Variants in TMEM65 observed in about 807,000 individuals in gnomAD.
TMEM65 encodes the protein transmembrane protein 65.
Under a neutral mutation model 25.4 loss-of-function variants are expected in TMEM65, and 22 were observed. That is an observed-to-expected ratio of 0.86 (90% confidence interval 0.62 to 1.23). The LOEUF (loss-of-function observed/expected upper bound fraction) is 1.23. Among genes scored for constraint, TMEM65 ranks in the 50% most tolerant of loss-of-function variants. The pLI, the probability that TMEM65 is intolerant of heterozygous loss-of-function variation, is 0.00. For synonymous variants in TMEM65, 132 were observed against 126.2 expected (o/e 1.05, Z -0.31); for missense variants, 262 against 308.2 (o/e 0.85, Z 1.12).
chr8:124,330,657 T>G, intron 2 of TMEM65, 91 bp downstream of exon 2: 1 of 1,251,622 alleles, frequency 8.0e-7, no homozygotes, highest in Non-Finnish European at 1.1e-6. Flanking sequence ...AGATTTAATT[T>G]ACTGACTCTT....
chr8:124,361,308 G>A (rs887639377), intron 1 of TMEM65, among the ~76,000 whole-genome samples: 10 of 151,840 alleles, frequency 6.6e-5, no homozygotes, highest in African/African-American at 1.7e-4. Context: ...AGTGGTGGGC[G>A]CCTGTAATCC....
chr8:124,362,574 A>G (rs563582908), intron 1 of TMEM65, among the ~76,000 whole-genome samples: 1 of 149,216 alleles, frequency 6.7e-6, no homozygotes, highest in East Asian at 2.1e-4. Context: ...AGTCATGAGA[A>G]TCGCTTGAGC....
intron 1 of TMEM65, among the ~76,000 whole-genome samples, chr8:124,359,165 C>G (rs1404787807): frequency 1.3e-5 from 2 of 152,058 alleles, no homozygotes; most frequent in Admixed American, 6.5e-5. Flanking sequence ...TTTCTTTCAC[C>G]CTTACGTAGG....
In TMEM65 at chr8:124,313,846, A is replaced by T. The variant is rs1814197921; in HGVS notation, c.*114T>A. 1.4e-6 allele frequency: 1 copy of T among 713,664 alleles called. No homozygotes were observed. Among genetic ancestry groups the T allele is most frequent in the East Asian group, 2.7e-5 (1 of 36,458 alleles). 44.2% of individuals were successfully genotyped at this position (713,664 alleles called of 1,614,324 possible). ...TTAGTGTTTTCCATAATACATGCTA[A>T]ATTATTTGATCCCATATCTATACTG... On this transcript the variant is annotated 3_prime_UTR_variant, in exon 7 of 7. Coordinates refer to ENST00000297632, the MANE Select transcript of TMEM65 (RefSeq NM_194291.3).
chr8:124,330,936 C>A (rs780400388), intron 1 of TMEM65, 144 bp from the exon 2 acceptor site: 69 of 744,242 alleles, frequency 9.3e-5, no homozygotes, highest in Non-Finnish European at 1.4e-4. Context: ...TAAGGGACCA[C>A]ATTTGTCCAT....
At chr8:124,371,774 C>T in intron 1 of TMEM65, 80 bp downstream of exon 1, 2 of 1,377,080 alleles carry the variant, frequency 1.5e-6, no homozygotes, top group South Asian at 2.7e-5. Context: ...AGATCCAGGG[C>T]CGCAGCGGGC....
At chr8:124,322,580 G>A (rs73332144) in intron 4 of TMEM65, among the ~76,000 whole-genome samples, 28,320 of 151,828 alleles carry the variant, frequency 0.19, 2,922 homozygotes, top group Middle Eastern at 0.25. Context: ...TTTTACCTCT[G>A]TGAAGAATAG....
At chr8:124,316,419 A>C (rs1194477922) in intron 6 of TMEM65, among the ~76,000 whole-genome samples, 1 of 152,200 alleles carries the variant, frequency 6.6e-6, no homozygotes, top group East Asian at 1.9e-4. Flanking sequence ...GGTAAATTTC[A>C]GAGTTAGCTT....
At chr8:124,358,416 T>C (rs1033236956) in intron 1 of TMEM65, among the ~76,000 whole-genome samples, 29 of 152,308 alleles carry the variant, frequency 1.9e-4, no homozygotes, top group African/African-American at 6.7e-4. Context: ...TAATGAACTA[T>C]AACCCAAGCA....
rs78533559 is a variant in TMEM65, at chr8:124,322,036, T to C, written c.515+69A>G. On this transcript the variant is annotated intron_variant, in intron 5 of 6. Coordinates refer to ENST00000297632, the MANE Select transcript of TMEM65 (RefSeq NM_194291.3). ...AATATTCTTTTGTTATGCTTCTCAA[T>C]TAAAGAAGAGTGGGGAACAGAAAGA... The C allele has an allele frequency of 7.1e-3, 7,754 of 1,088,412 alleles. 420 individuals carry two copies. The African/African-American group carries it at 0.11, about 15-fold the overall frequency. The allele number at this position is 1,088,412 out of a possible 1,614,324, so 67.4% of individuals were successfully genotyped here.
chr8:124,342,611 T>TTA (rs546377869), intron 1 of TMEM65, among the ~76,000 whole-genome samples: 53 of 152,276 alleles, frequency 3.5e-4, no homozygotes, highest in South Asian at 1.4e-3. Context: ...AAATCCAATG[T>TTA]TAAGCATGGG....
At chr8:124,369,902 T>G (rs983573347) in intron 1 of TMEM65, among the ~76,000 whole-genome samples, 1 of 152,194 alleles carries the variant, frequency 6.6e-6, no homozygotes, top group Non-Finnish European at 1.5e-5. Flanking sequence ...CAAAAATAGC[T>G]GATTTAAACT....
chr8:124,370,899 C>G (rs957547082), intron 1 of TMEM65, among the ~76,000 whole-genome samples: 6 of 152,166 alleles, frequency 3.9e-5, no homozygotes, highest in African/African-American at 1.4e-4. Flanking sequence ...GAATGTAATA[C>G]AAACTGAAGC....
At chr8:124,339,830 A>T (rs1563594558) in intron 1 of TMEM65, among the ~76,000 whole-genome samples, 1 of 151,612 alleles carries the variant, frequency 6.6e-6, no homozygotes, top group Non-Finnish European at 1.5e-5. Flanking sequence ...TATAGAGAAA[A>T]ATTACAGGCC....
chr8:124,359,066 C>CT (rs1367193269), intron 1 of TMEM65, among the ~76,000 whole-genome samples: 2 of 152,206 alleles, frequency 1.3e-5, no homozygotes, highest in African/African-American at 4.8e-5. Flanking sequence ...CAGACAGAAA[C>CT]TGGTAGTAAA....
chr8:124,369,930 A>G (rs1814990336), intron 1 of TMEM65, among the ~76,000 whole-genome samples: 1 of 152,076 alleles, frequency 6.6e-6, no homozygotes, highest in South Asian at 2.1e-4. Context: ...TCTTTAGCAT[A>G]TAAAGAGGAG....
Position 124,309,107 on chromosome 8 carries a change from C to T in TMEM65, c.*4853G>A, listed in dbSNP as rs1814126872. The T allele has an allele frequency of 6.6e-6, 1 of 152,124 alleles. No individual in the cohort carries two copies. The highest frequency in any genetic ancestry group is 6.6e-5 in the Admixed American group (1 of 15,266). The allele number at this position is 152,124 out of a possible 1,614,324, so 9.4% of individuals were successfully genotyped here. On this transcript the variant is annotated 3_prime_UTR_variant, in exon 7 of 7. Coordinates refer to ENST00000297632, the MANE Select transcript of TMEM65 (RefSeq NM_194291.3). ...TGAATAGTAAATGTATTTTCTCTTC[C>T]TGATGATTTTAATAACATTTTCTTT...
chr8:124,313,629 C>A lies in TMEM65; in HGVS notation c.*331G>T, dbSNP rs1337734998. The A allele has an allele frequency of 1.6e-5, 3 of 182,338 alleles. No individual in the cohort carries two copies. The highest frequency in any genetic ancestry group is 3.4e-5 in the Non-Finnish European group (3 of 88,894). The allele number at this position is 182,338 out of a possible 1,614,324, so 11.3% of individuals were successfully genotyped here. A position where few individuals can be genotyped will look rare whatever the true frequency, so the allele number is the denominator to read the frequency against. ...CGAAAAATGCTTTCATGCATGTACA[C>A]ATGTTAAGTAACAAATAAGCAAACC... On this transcript the variant is annotated 3_prime_UTR_variant, in exon 7 of 7. Transcript: ENST00000297632.
intron 1 of TMEM65, among the ~76,000 whole-genome samples, chr8:124,342,506 G>A (rs989099558): frequency 3.0e-4 from 45 of 152,118 alleles, no homozygotes; most frequent in African/African-American, 1.1e-3. Context: ...AACTCTATGA[G>A]ATTAATCCAA....
Sources: allele counts gnomAD v4.1 joint callset (sites outside exome capture counted in the v4.1 genomes callset), GRCh38; gene constraint gnomAD v4.1.1; transcripts MANE v1.5; gene names NCBI Gene and HGNC (gene_info 2026-07-23, HGNC 2026-07-21).